LHFPL7: variants seen among roughly 807,000 people sequenced by gnomAD.
The protein encoded by LHFPL7 is LHFPL tetraspan subfamily member 7 protein.
At chr22:24,939,228 T>G in the LHFPL7 span, 3 of 688,560 alleles carry the variant, frequency 4.4e-6, no homozygotes, top group African/African-American at 5.3e-5. Flanking sequence ...ACTGGGACAC[T>G]CAGGCAGTGA....
chr22:24,936,959 C>A, the LHFPL7 span, among the ~76,000 whole-genome samples: 5 of 150,910 alleles, frequency 3.3e-5, no homozygotes, highest in Non-Finnish European at 5.9e-5. Flanking sequence ...AAGCCTAGGA[C>A]AAGGATCATG....
the LHFPL7 span, chr22:24,935,469 G>T: frequency 1.2e-6 from 2 of 1,614,094 alleles, no homozygotes; most frequent in Non-Finnish European, 1.7e-6. Flanking sequence ...GAGGATAGCA[G>T]TCATGTAACC....
the LHFPL7 span, chr22:24,938,183 G>C: frequency 6.2e-7 from 1 of 1,614,190 alleles, no homozygotes. Context: ...TTGGAACACT[G>C]CTTCTCCTTG....
the LHFPL7 span, among the ~76,000 whole-genome samples, chr22:24,941,753 T>G: frequency 6.6e-6 from 1 of 151,088 alleles, no homozygotes; most frequent in Non-Finnish European, 1.5e-5. Context: ...TCACGTAACC[T>G]CCGACTCCCT....
the LHFPL7 span, among the ~76,000 whole-genome samples, chr22:24,945,592 G>C: frequency 6.6e-6 from 1 of 152,236 alleles, no homozygotes; most frequent in Non-Finnish European, 1.5e-5. Context: ...AGGGCAGCCG[G>C]AGGTGTCTGA....
At chr22:24,945,792 A>G in the LHFPL7 span, among the ~76,000 whole-genome samples, 2 of 152,140 alleles carry the variant, frequency 1.3e-5, no homozygotes, top group Non-Finnish European at 2.9e-5. Flanking sequence ...AGATGCACAG[A>G]TGGGCAAACT....
At chr22:24,936,152 C>T in the LHFPL7 span, among the ~76,000 whole-genome samples, 1 of 152,140 alleles carries the variant, frequency 6.6e-6, no homozygotes, top group East Asian at 1.9e-4. Flanking sequence ...TCCATCTGCT[C>T]ATCCATCCAC....
chr22:24,935,434 G>T, the LHFPL7 span: 1 of 1,614,044 alleles, frequency 6.2e-7, no homozygotes, highest in Admixed American at 1.7e-5. Context: ...CTGATGATGG[G>T]CAGGAGGCTG....
the LHFPL7 span, among the ~76,000 whole-genome samples, chr22:24,935,943 A>G: frequency 2.0e-5 from 3 of 151,708 alleles, no homozygotes; most frequent in East Asian, 3.9e-4. Flanking sequence ...CTCATCTTCC[A>G]TTCATCCATC....
At chr22:24,940,543 C>T in the LHFPL7 span, among the ~76,000 whole-genome samples, 1 of 151,368 alleles carries the variant, frequency 6.6e-6, no homozygotes, top group Admixed American at 6.6e-5. Context: ...TTGCAGTGAG[C>T]CGAGATCGCA....
chr22:24,938,146 T>A, the LHFPL7 span: 1 of 1,613,786 alleles, frequency 6.2e-7, no homozygotes, highest in African/African-American at 1.3e-5. Context: ...GCATTGGATT[T>A]ACCTGCCACT....
At chr22:24,938,013 A>G in the LHFPL7 span, 171 of 1,329,714 alleles carry the variant, frequency 1.3e-4, no homozygotes, top group Admixed American at 6.5e-4. Context: ...GGAATAGTCA[A>G]CAATCCTAGG....
At chr22:24,942,273 T>G in the LHFPL7 span, among the ~76,000 whole-genome samples, 1 of 152,152 alleles carries the variant, frequency 6.6e-6, no homozygotes, top group Non-Finnish European at 1.5e-5. Flanking sequence ...GGATTACAGG[T>G]GTGAGCCACC....
the LHFPL7 span, chr22:24,938,100 C>CATTCATT: frequency 2.0e-5 from 32 of 1,583,322 alleles, no homozygotes; most frequent in South Asian, 1.3e-4. Flanking sequence ...TTCATTCATT[C>CATTCATT]CATAAATATG....
At chr22:24,939,040 C>T in the LHFPL7 span, among the ~76,000 whole-genome samples, 1 of 152,310 alleles carries the variant, frequency 6.6e-6, no homozygotes, top group Admixed American at 6.5e-5. Flanking sequence ...TGGAATCATC[C>T]TGCATGTTTG....
At chr22:24,942,417 T>C in the LHFPL7 span, among the ~76,000 whole-genome samples, 3 of 152,258 alleles carry the variant, frequency 2.0e-5, no homozygotes, top group African/African-American at 7.2e-5. Context: ...AATCCTGCCA[T>C]TGATGGCCAG....
the LHFPL7 span, among the ~76,000 whole-genome samples, chr22:24,945,085 G>C: frequency 6.6e-6 from 1 of 152,164 alleles, no homozygotes; most frequent in African/African-American, 2.4e-5. Context: ...TGGGATTACA[G>C]GTGTGAGCCA....
At chr22:24,945,553 G>A in the LHFPL7 span, among the ~76,000 whole-genome samples, 16 of 152,214 alleles carry the variant, frequency 1.1e-4, no homozygotes, top group Admixed American at 7.2e-4. Context: ...GACCTGGGAC[G>A]AAGAACCTGC....
At chr22:24,935,511 A>G in the LHFPL7 span, 1 of 1,613,958 alleles carries the variant, frequency 6.2e-7, no homozygotes, top group South Asian at 1.1e-5. Context: ...ACCATAATAC[A>G]TGGAGGAGGC....
Sources: gnomAD v4.1 joint callset for allele counts (sites outside exome capture counted in the v4.1 genomes callset) on GRCh38, gnomAD v4.1.1 for gene constraint, MANE v1.5 for transcripts, NCBI Gene and HGNC (gene_info 2026-07-23, HGNC 2026-07-21) for gene names.